ENPP2: variants seen among roughly 807,000 people sequenced by gnomAD.
ENPP2 encodes autotaxin.
In ENPP2, 51 loss-of-function variants were observed where a neutral mutation model predicts 120.2. The observed-to-expected ratio is 0.42, with a 90% CI of 0.34 to 0.54. The LOEUF (loss-of-function observed/expected upper bound fraction) is 0.54. ENPP2 is among the 20% of genes least tolerant of loss of function. The pLI is 0.04. For synonymous variants in ENPP2, 365 were observed against 366.4 expected (o/e 1.00, Z 0.04); for missense variants, 920 against 1,066.5 (o/e 0.86, Z 1.91).
At chr8:119,649,334 G>A (rs1221692486) in intron 1 of ENPP2, among the ~76,000 whole-genome samples, 1 of 150,850 alleles carries the variant, frequency 6.6e-6, no homozygotes, top group Non-Finnish European at 1.5e-5. Context: ...CCTGGGAGGC[G>A]GAGCTTGCAG....
intron 1 of ENPP2, among the ~76,000 whole-genome samples, chr8:119,648,981 T>C (rs1036712143): frequency 2.6e-5 from 4 of 152,156 alleles, no homozygotes; most frequent in African/African-American, 7.2e-5. Flanking sequence ...CTAATGAATC[T>C]ACCAAAAATA....
intron 1 of ENPP2, among the ~76,000 whole-genome samples, chr8:119,656,338 T>A (rs914440313): frequency 2.6e-5 from 4 of 152,132 alleles, no homozygotes; most frequent in African/African-American, 9.7e-5. Context: ...GACATGCCAG[T>A]GCTAAGAACA....
intron 24 of ENPP2, among the ~76,000 whole-genome samples, chr8:119,561,892 A>G (rs980606812): frequency 1.3e-5 from 2 of 152,090 alleles, no homozygotes; most frequent in Admixed American, 6.6e-5. Flanking sequence ...TAATCCCAGC[A>G]CTTTGGGAGG....
chr8:119,633,537 G>C (rs972276059), intron 2 of ENPP2, among the ~76,000 whole-genome samples: 1 of 151,416 alleles, frequency 6.6e-6, no homozygotes, highest in Non-Finnish European at 1.5e-5. Context: ...GCAAGGCAGA[G>C]GACAGTGTGC....
Position 119,673,304 on chromosome 8 carries a change from G to C in ENPP2, c.-32C>G, listed in dbSNP as rs529109375. On this transcript the variant is annotated 5_prime_UTR_variant, in exon 1 of 26. Transcript: ENST00000427067. ...GGAGTCTCGGCGTCTGTTCCTGCCC[G>C]GGCGCTGCGGACGCGGCCTGGGCTG... The C allele has an allele frequency of 8.8e-5, 135 of 1,534,860 alleles. 1 individual carries two copies. The South Asian group carries it at 1.4e-3, about 16-fold the overall frequency.
At chr8:119,671,912 G>A (rs1263551030) in intron 1 of ENPP2, among the ~76,000 whole-genome samples, 2 of 152,144 alleles carry the variant, frequency 1.3e-5, no homozygotes, top group Non-Finnish European at 2.9e-5. Flanking sequence ...AAGGAAGCCC[G>A]GGAAGCATGG....
chr8:119,654,537 G>A (rs1316364004), intron 1 of ENPP2, among the ~76,000 whole-genome samples: 1 of 149,054 alleles, frequency 6.7e-6, no homozygotes, highest in African/African-American at 2.5e-5. Flanking sequence ...GAGAGAGAGG[G>A]TCTTGCTATG....
chr8:119,586,425 A>G (rs948209453), intron 14 of ENPP2, 112 bp from the exon 15 acceptor site: 3 of 865,040 alleles, frequency 3.5e-6, no homozygotes, highest in Non-Finnish European at 3.7e-6. Context: ...AAGGTTAATG[A>G]GTGAATAAAT....
intron 19 of ENPP2, chr8:119,572,106 A>G: frequency 1.2e-6 from 1 of 852,852 alleles, no homozygotes; most frequent in Admixed American, 2.4e-5. Context: ...ATAAAACACC[A>G]GCAAATCGTA....
intron 9 of ENPP2, among the ~76,000 whole-genome samples, chr8:119,604,272 C>A (rs1814533730): frequency 6.6e-6 from 1 of 152,080 alleles, no homozygotes. Context: ...AAGTGATCCA[C>A]CCGCTTCAGC....
chr8:119,580,367 T>C, intron 18 of ENPP2, 200 bp from the exon 19 acceptor site: 1 of 594,058 alleles, frequency 1.7e-6, no homozygotes, highest in East Asian at 2.8e-5. Flanking sequence ...GTTCTATGTT[T>C]GTAAGCACCT....
chr8:119,560,412 C>A (rs1029018496), intron 24 of ENPP2, among the ~76,000 whole-genome samples: 5 of 152,164 alleles, frequency 3.3e-5, no homozygotes, highest in Admixed American at 6.5e-5. Flanking sequence ...AACAGCTTGT[C>A]TCTCACTTGC....
At chr8:119,640,515 C>T (rs545601664), upstream of ENPP2, among the ~76,000 whole-genome samples, 1 of 152,268 alleles carries the variant, frequency 6.6e-6, no homozygotes, top group East Asian at 1.9e-4. Flanking sequence ...CAGAGTCTAA[C>T]AACTTTTGAC....
intron 24 of ENPP2, among the ~76,000 whole-genome samples, chr8:119,560,029 T>C (rs569682939): frequency 4.6e-5 from 7 of 152,242 alleles, no homozygotes; most frequent in African/African-American, 1.7e-4. Context: ...TTATCAGATA[T>C]AAAATTTAGA....
At chr8:119,664,445 A>G (rs1818012485) in intron 1 of ENPP2, among the ~76,000 whole-genome samples, 2 of 152,166 alleles carry the variant, frequency 1.3e-5, no homozygotes, top group Admixed American at 6.5e-5. Flanking sequence ...GATAATGGAA[A>G]TGAAAATGAT....
At chr8:119,653,067 C>G (rs1220206539) in intron 1 of ENPP2, among the ~76,000 whole-genome samples, 1 of 152,096 alleles carries the variant, frequency 6.6e-6, no homozygotes, top group Non-Finnish European at 1.5e-5. Flanking sequence ...TGATTCCTGC[C>G]CACATCCAGG....
chr8:119,598,029 A>G (rs1433715377), intron 11 of ENPP2, among the ~76,000 whole-genome samples: 1 of 152,216 alleles, frequency 6.6e-6, no homozygotes, highest in Non-Finnish European at 1.5e-5. Context: ...CTAGTATGTT[A>G]TAATCTTTTC....
At chr8:119,637,682 AT>A (rs1171313381) in intron 2 of ENPP2, among the ~76,000 whole-genome samples, 9 of 152,180 alleles carry the variant, frequency 5.9e-5, no homozygotes, top group Non-Finnish European at 4.4e-5. Context: ...AGCAGCTCCA[AT>A]TTCCAGGAAA....
chr8:119,612,020 C>T (rs1361244138), intron 8 of ENPP2, among the ~76,000 whole-genome samples: 2 of 151,894 alleles, frequency 1.3e-5, no homozygotes, highest in Non-Finnish European at 2.9e-5. Context: ...CAGAGCAAAA[C>T]TCTGTCTCAA....
Sources: gnomAD v4.1 joint callset for allele counts (sites outside exome capture counted in the v4.1 genomes callset) on GRCh38, gnomAD v4.1.1 for gene constraint, MANE v1.5 for transcripts, NCBI Gene and HGNC (gene_info 2026-07-23, HGNC 2026-07-21) for gene names.